The following CSTPP1 variants were observed in gnomAD, a reference collection of about 807,000 sequenced individuals.
The protein encoded by CSTPP1 is centriolar satellite-associated tubulin polyglutamylase complex regulator 1, also known as UPF0705 protein C11orf49.
the CSTPP1 span, among the ~76,000 whole-genome samples, chr11:46,949,705 T>G: frequency 9.4e-5 from 14 of 149,510 alleles, no homozygotes; most frequent in African/African-American, 3.4e-4. Flanking sequence ...TTTCGCTCCA[T>G]CACCCAGGCT....
At chr11:47,157,777 T>C in the CSTPP1 span, 1 of 1,595,874 alleles carries the variant, frequency 6.3e-7, no homozygotes, top group Non-Finnish European at 8.6e-7. Context: ...GCCCTGAGGC[T>C]GGCTAGGCTC....
chr11:47,101,439 T>C, the CSTPP1 span, among the ~76,000 whole-genome samples: 4 of 152,028 alleles, frequency 2.6e-5, no homozygotes, highest in East Asian at 7.7e-4. Flanking sequence ...AGTTTTAAGA[T>C]GTGGTTAGTT....
the CSTPP1 span, among the ~76,000 whole-genome samples, chr11:47,035,273 A>C: frequency 6.6e-6 from 1 of 152,322 alleles, no homozygotes; most frequent in East Asian, 1.9e-4. Flanking sequence ...TTGTAACGTC[A>C]TGAATTTTCT....
the CSTPP1 span, among the ~76,000 whole-genome samples, chr11:46,988,202 A>G: frequency 1.3e-5 from 2 of 152,186 alleles, no homozygotes; most frequent in Non-Finnish European, 2.9e-5. Context: ...CCAGCAATTC[A>G]ACTGCTGGGT....
chr11:47,104,666 G>A, the CSTPP1 span, among the ~76,000 whole-genome samples: 1 of 152,166 alleles, frequency 6.6e-6, no homozygotes, highest in Non-Finnish European at 1.5e-5. Flanking sequence ...TGAGGTTAAC[G>A]AGCTGCAGCT....
At chr11:46,944,637 G>T in the CSTPP1 span, among the ~76,000 whole-genome samples, 14 of 152,074 alleles carry the variant, frequency 9.2e-5, no homozygotes. Context: ...TCCTCTAGTG[G>T]GTGACTTTGG....
chr11:47,019,185 T>G, the CSTPP1 span, among the ~76,000 whole-genome samples: 1 of 151,980 alleles, frequency 6.6e-6, no homozygotes, highest in South Asian at 2.1e-4. Context: ...TTTTTTTGTA[T>G]TTTTAGTAGA....
At chr11:47,096,915 T>C in the CSTPP1 span, among the ~76,000 whole-genome samples, 2 of 152,036 alleles carry the variant, frequency 1.3e-5, no homozygotes, top group Admixed American at 1.3e-4. Flanking sequence ...CTTCAAGCCA[T>C]AGCAAATTTG....
At chr11:47,020,062 A>C in the CSTPP1 span, among the ~76,000 whole-genome samples, 1 of 152,198 alleles carries the variant, frequency 6.6e-6, no homozygotes, top group African/African-American at 2.4e-5. Context: ...TCACACCTGA[A>C]AGTGCCCCCC....
the CSTPP1 span, among the ~76,000 whole-genome samples, chr11:47,103,414 A>G: frequency 6.6e-6 from 1 of 151,506 alleles, no homozygotes; most frequent in African/African-American, 2.4e-5. Context: ...AAAAAAAAAA[A>G]TGTACAGAAT....
chr11:47,152,250 A>G, the CSTPP1 span, among the ~76,000 whole-genome samples: 1 of 151,984 alleles, frequency 6.6e-6, no homozygotes, highest in East Asian at 1.9e-4. Flanking sequence ...CTCAAAAAAA[A>G]AAAAAATGCC....
At chr11:46,967,585 T>C in the CSTPP1 span, among the ~76,000 whole-genome samples, 1 of 152,102 alleles carries the variant, frequency 6.6e-6, no homozygotes, top group Non-Finnish European at 1.5e-5. Flanking sequence ...TTGTCTTCTC[T>C]GTGCTTAGTT....
the CSTPP1 span, among the ~76,000 whole-genome samples, chr11:47,084,542 C>T: frequency 6.6e-6 from 1 of 152,042 alleles, no homozygotes; most frequent in Non-Finnish European, 1.5e-5. Flanking sequence ...GCCTATAATT[C>T]ATCCTGAATT....
At chr11:47,105,541 A>G in the CSTPP1 span, among the ~76,000 whole-genome samples, 1 of 152,182 alleles carries the variant, frequency 6.6e-6, no homozygotes, top group African/African-American at 2.4e-5. Flanking sequence ...AACAGTAAGT[A>G]CAGCTATCAT....
chr11:47,089,027 A>G, the CSTPP1 span, among the ~76,000 whole-genome samples: 87 of 152,318 alleles, frequency 5.7e-4, no homozygotes, highest in African/African-American at 2.1e-3. Flanking sequence ...TGAATAATGT[A>G]TCAACTTGTC....
At chr11:47,113,161 G>C in the CSTPP1 span, among the ~76,000 whole-genome samples, 2 of 152,144 alleles carry the variant, frequency 1.3e-5, no homozygotes, top group African/African-American at 4.8e-5. Flanking sequence ...CCCTGCAAAG[G>C]ACATGAACTC....
At chr11:46,984,173 C>T in the CSTPP1 span, among the ~76,000 whole-genome samples, 5 of 152,166 alleles carry the variant, frequency 3.3e-5, no homozygotes, top group Non-Finnish European at 5.9e-5. Flanking sequence ...ATAATTTTTA[C>T]TTCCATAACT....
At chr11:47,164,363 A>C in the CSTPP1 span, 6 of 1,206,762 alleles carry the variant, frequency 5.0e-6, no homozygotes, top group Non-Finnish European at 6.8e-6. Context: ...ACTTTGTTTC[A>C]ATACAAACAG....
the CSTPP1 span, among the ~76,000 whole-genome samples, chr11:46,968,315 A>G: frequency 6.7e-6 from 1 of 148,356 alleles, no homozygotes; most frequent in Non-Finnish European, 1.5e-5. Flanking sequence ...CCCTCAATAC[A>G]ATTCTAGCAA....
Sources: gnomAD v4.1 joint callset for allele counts (sites outside exome capture counted in the v4.1 genomes callset) on GRCh38, gnomAD v4.1.1 for gene constraint, MANE v1.5 for transcripts, NCBI Gene and HGNC (gene_info 2026-07-23, HGNC 2026-07-21) for gene names.